BMP2K: variants seen among roughly 807,000 people sequenced by gnomAD.
BMP2K encodes the protein BMP-2-inducible protein kinase.
In BMP2K, 74 loss-of-function variants were observed where a neutral mutation model predicts 116.0. The ratio of observed to expected loss-of-function variants is 0.64; its 90% confidence interval spans 0.53 to 0.77. BMP2K has a LOEUF of 0.77. Ranked by LOEUF, BMP2K falls within the 30% of genes least tolerant of loss-of-function variation. The probability of loss-of-function intolerance (pLI) is 0.00; values close to 1 mark genes in which losing one functional copy is unlikely to be tolerated. For synonymous variants in BMP2K, 486 were observed against 502.5 expected, an observed-to-expected ratio of 0.97 and a Z score of 0.44; for missense variants, 1,365 against 1,403.6, an observed-to-expected ratio of 0.97 and a Z score of 0.44.
At chr4:78,825,717 G>T (rs867446689) in intron 1 of BMP2K, among the ~76,000 whole-genome samples, 2 of 152,306 alleles carry the variant, frequency 1.3e-5, no homozygotes, top group South Asian at 2.1e-4. Context: ...GCAGTCACTT[G>T]TATATACCAA....
chr4:78,848,552 C>G (rs532784370), intron 6 of BMP2K, among the ~76,000 whole-genome samples: 75 of 151,540 alleles, frequency 4.9e-4, no homozygotes, highest in African/African-American at 1.7e-3. Context: ...AGGCATCATA[C>G]TTTTCATTCT....
At chr4:78,853,950 C>T (rs923958432) in intron 7 of BMP2K, among the ~76,000 whole-genome samples, 1 of 152,086 alleles carries the variant, frequency 6.6e-6, no homozygotes, top group Non-Finnish European at 1.5e-5. Context: ...GCAGGACATG[C>T]TGTCAGACAC....
chr4:78,805,494 C>T (rs927737274), intron 1 of BMP2K, among the ~76,000 whole-genome samples: 1 of 152,094 alleles, frequency 6.6e-6, no homozygotes, highest in Non-Finnish European at 1.5e-5. Flanking sequence ...GTCTTTCAGT[C>T]TATGAGTGAG....
intron 5 of BMP2K, among the ~76,000 whole-genome samples, chr4:78,846,448 A>G (rs1342584579): frequency 6.6e-6 from 1 of 151,712 alleles, no homozygotes; most frequent in Non-Finnish European, 1.5e-5. Context: ...GCAAAATAAA[A>G]TGATGCAATC....
At chr4:78,801,033 G>T (rs558160595) in intron 1 of BMP2K, among the ~76,000 whole-genome samples, 1 of 152,214 alleles carries the variant, frequency 6.6e-6, no homozygotes, top group South Asian at 2.1e-4. Context: ...AATGCTCAAT[G>T]AACTTTTCTT....
chr4:78,822,002 A>G (rs1729640896), intron 1 of BMP2K, among the ~76,000 whole-genome samples: 1 of 152,224 alleles, frequency 6.6e-6, no homozygotes, highest in African/African-American at 2.4e-5. Flanking sequence ...GTTAGTCTGT[A>G]GCAGTATATG....
rs1288894473 is a variant in BMP2K at position 78,830,006 on chromosome 4, C to G, written c.298-3576C>G. On this transcript the variant is annotated intron_variant, in intron 2 of 15. Transcript: ENST00000502613. ...TCTAATGCCCCAGCCTCCCGAGGAG[C>G]TGGGACTATAGGCAGGTGCCACCAT... 2.0e-5 allele frequency among the ~76,000 whole-genome samples: 3 copies of G among 151,972 alleles called. No individual in the cohort carries two copies. The East Asian group carries it at 5.8e-4, about 29-fold the overall frequency.
intron 7 of BMP2K, among the ~76,000 whole-genome samples, chr4:78,854,915 A>G (rs1234877844): frequency 6.6e-6 from 1 of 151,724 alleles, no homozygotes; most frequent in Non-Finnish European, 1.5e-5. Context: ...CTCTTCTCCT[A>G]TATTATTTTT....
chr4:78,873,589 G>A (rs1434080065), intron 13 of BMP2K, among the ~76,000 whole-genome samples: 2 of 151,994 alleles, frequency 1.3e-5, no homozygotes, highest in East Asian at 3.9e-4. Context: ...AGCATCAGTA[G>A]CATACTTGTA....
chr4:78,832,631 T>A (rs1257248633), intron 2 of BMP2K, among the ~76,000 whole-genome samples: 1 of 152,134 alleles, frequency 6.6e-6, no homozygotes, highest in Non-Finnish European at 1.5e-5. Context: ...TATTATAGTC[T>A]TGTACTTTTG....
intron 1 of BMP2K, among the ~76,000 whole-genome samples, chr4:78,808,257 C>G (rs1728917317): frequency 7.5e-6 from 1 of 133,478 alleles, no homozygotes; most frequent in African/African-American, 2.9e-5. Context: ...GATTTGAGAT[C>G]TTGCTTCCTT....
intron 3 of BMP2K, among the ~76,000 whole-genome samples, chr4:78,842,159 G>A (rs1384335319): frequency 1.3e-5 from 2 of 151,926 alleles, no homozygotes; most frequent in Admixed American, 6.6e-5. Context: ...GTGGGCAATA[G>A]CATTAATAAG....
chr4:78,819,955 C>T (rs1330020508), intron 1 of BMP2K, among the ~76,000 whole-genome samples: 1 of 152,076 alleles, frequency 6.6e-6, no homozygotes, highest in Non-Finnish European at 1.5e-5. Context: ...TATATAATAT[C>T]TAGGTCTTTT....
At position 78,847,287 on chromosome 4, in the gene BMP2K, TG is replaced by T. The variant is rs1442034871; in HGVS notation, c.750+20del. On this transcript the variant is annotated intron_variant, in intron 6 of 15. Coordinates refer to ENST00000502613, the MANE Select transcript of BMP2K (RefSeq NM_198892.2). ...ATATCTGGGTAAGGCCAAGAAAGGC[TG>T]GAACTTGCTCTAACCAAATTAAAAA... 8 of 1,550,634 alleles carry T rather than the reference TG, an allele frequency of 5.2e-6. No individual in the cohort carries two copies. The highest frequency in any genetic ancestry group is 7.0e-6 in the Non-Finnish European group (8 of 1,145,466).
chr4:78,788,144 G>T (rs1477761917), intron 1 of BMP2K, among the ~76,000 whole-genome samples: 3 of 151,504 alleles, frequency 2.0e-5, no homozygotes, highest in Admixed American at 6.6e-5. Flanking sequence ...TCTCTTGCCT[G>T]CATCACAGAC....
At chr4:78,831,334 T>C (rs1217174102) in intron 2 of BMP2K, among the ~76,000 whole-genome samples, 1 of 152,210 alleles carries the variant, frequency 6.6e-6, no homozygotes, top group Non-Finnish European at 1.5e-5. Flanking sequence ...TACCAAAATA[T>C]GACAGAGACA....
chr4:78,861,907 A>G (rs1447993788), intron 9 of BMP2K, among the ~76,000 whole-genome samples: 3 of 151,986 alleles, frequency 2.0e-5, no homozygotes, highest in African/African-American at 7.2e-5. Flanking sequence ...TGATTATAAT[A>G]CTTTTTAAGG....
chr4:78,833,145 G>T (rs541182232), intron 2 of BMP2K, among the ~76,000 whole-genome samples: 1 of 152,146 alleles, frequency 6.6e-6, no homozygotes, highest in African/African-American at 2.4e-5. Context: ...AGAAGTGCAT[G>T]TGTCTATAAA....
chr4:78,885,611 C>A (rs894937742), intron 14 of BMP2K, among the ~76,000 whole-genome samples: 1 of 152,182 alleles, frequency 6.6e-6, no homozygotes, highest in Non-Finnish European at 1.5e-5. Flanking sequence ...ACTGCAGTCC[C>A]TTAGAACTCA....
Sources: allele counts gnomAD v4.1 joint callset (sites outside exome capture counted in the v4.1 genomes callset), GRCh38; gene constraint gnomAD v4.1.1; transcripts MANE v1.5; gene names NCBI Gene and HGNC (gene_info 2026-07-23, HGNC 2026-07-21).